SLC1A1: variants seen among roughly 807,000 people sequenced by gnomAD.
SLC1A1 encodes solute carrier family 1 member 1.
SLC1A1 carries 43 observed loss-of-function variants against 53.3 expected under a neutral mutation model. That is an observed-to-expected ratio of 0.81 (90% CI 0.63 to 1.04). The LOEUF is 1.04. Among genes scored for constraint, SLC1A1 ranks in the 50% least tolerant of loss-of-function variants. The pLI is 0.00. For synonymous variants in SLC1A1, 307 were observed against 243.2 expected (o/e 1.26, Z -2.44); for missense variants, 748 against 664.9 (o/e 1.12, Z -1.37).
chr9:4,564,159 A>T (rs1819256523), intron 3 of SLC1A1, among the ~76,000 whole-genome samples, 185 bp from the exon 4 acceptor site: 1 of 152,146 alleles, frequency 6.6e-6, no homozygotes, highest in South Asian at 2.1e-4. Flanking sequence ...TTACTCATTT[A>T]AATGGAAGAG....
intron 2 of SLC1A1, among the ~76,000 whole-genome samples, chr9:4,547,109 G>A (rs1279577473): frequency 6.6e-6 from 1 of 152,206 alleles, no homozygotes; most frequent in Admixed American, 6.5e-5. Context: ...ACTCTTGACA[G>A]TCAATAACAA....
chr9:4,533,320 T>C (rs1340354194), intron 1 of SLC1A1, among the ~76,000 whole-genome samples: 1 of 152,048 alleles, frequency 6.6e-6, no homozygotes, highest in Non-Finnish European at 1.5e-5. Flanking sequence ...AGGAAACCCA[T>C]CTCATGGGCA....
In SLC1A1 at chr9:4,523,471, T is replaced by G. The variant is rs531871029; in HGVS notation, c.92-21096T>G. ...TTGTATTATATATCATAATTTTAAC[T>G]CTGAAGTTTTTAATTTATAGAACAA... is the stretch of plus-strand genomic sequence containing the variant. On this transcript the variant is annotated intron_variant, in intron 1 of 11. Coordinates refer to ENST00000262352, the MANE Select transcript of SLC1A1 (RefSeq NM_004170.6). Among the ~76,000 whole-genome samples, 143 of 152,306 alleles carry G rather than the reference T, an allele frequency of 9.4e-4. 1 individual carries two copies. Among genetic ancestry groups the G allele is most frequent in the Non-Finnish European group, 4.3e-4 (29 of 68,020 alleles).
At chr9:4,535,969 G>T (rs1344623424) in intron 1 of SLC1A1, among the ~76,000 whole-genome samples, 2 of 152,160 alleles carry the variant, frequency 1.3e-5, no homozygotes, top group Admixed American at 6.5e-5. Context: ...AATAAATGGT[G>T]CTGGGAAAAC....
intron 1 of SLC1A1, among the ~76,000 whole-genome samples, chr9:4,529,398 C>T (rs772938722): frequency 3.9e-5 from 6 of 152,140 alleles, no homozygotes; most frequent in Non-Finnish European, 8.8e-5. Context: ...AGTAGTCTTA[C>T]GAATTCATAC....
At chr9:4,555,087 T>C (rs1818251285) in intron 2 of SLC1A1, among the ~76,000 whole-genome samples, 1 of 152,222 alleles carries the variant, frequency 6.6e-6, no homozygotes. Context: ...AATTTATAGA[T>C]GGAGAAGCTG....
intron 1 of SLC1A1, among the ~76,000 whole-genome samples, chr9:4,498,956 ATATAT>A (rs1002840646): frequency 2.5e-4 from 37 of 145,644 alleles, no homozygotes; most frequent in Non-Finnish European, 4.6e-4. Context: ...ATATATACAT[ATATAT>A]TATATATGTA....
intron 2 of SLC1A1, chr9:4,559,678 C>G (rs1392292289): frequency 6.6e-6 from 1 of 152,108 alleles, no homozygotes; most frequent in Non-Finnish European, 1.5e-5. Flanking sequence ...TTCCTGCTAC[C>G]CTGTACCTTA....
Position 4,538,347 on chromosome 9 carries a change from G to T in SLC1A1, c.92-6220G>T, listed in dbSNP as rs573338015. ...GACAGTTAGGTAAGAGACAAAGGTT[G>T]CATTCTTTTGAGTTTCTGATTAGCC... On this transcript the variant is annotated intron_variant, in intron 1 of 11. Coordinates refer to ENST00000262352, the MANE Select transcript of SLC1A1 (RefSeq NM_004170.6). 2.0e-5 allele frequency among the ~76,000 whole-genome samples: 3 copies of T among 152,308 alleles called. No individual in the cohort carries two copies. The South Asian group carries it at 6.2e-4, about 32-fold the overall frequency.
chr9:4,497,393 C>A (rs1278545314), intron 1 of SLC1A1, among the ~76,000 whole-genome samples: 1 of 152,152 alleles, frequency 6.6e-6, no homozygotes, highest in Non-Finnish European at 1.5e-5. Flanking sequence ...GATGTTTCTG[C>A]CTCCCTCACC....
At chr9:4,513,453 A>G (rs893893845) in intron 1 of SLC1A1, among the ~76,000 whole-genome samples, 3 of 152,344 alleles carry the variant, frequency 2.0e-5, no homozygotes, top group Non-Finnish European at 2.9e-5. Context: ...ACATGAAAAA[A>G]TATTCAGCAT....
At chr9:4,572,494 T>C (rs1197710266) in intron 7 of SLC1A1, 106 bp downstream of exon 7, 5 of 1,027,036 alleles carry the variant, frequency 4.9e-6, no homozygotes, top group East Asian at 4.8e-5. Flanking sequence ...GCTAGAGAAG[T>C]TGGACATTTA....
intron 1 of SLC1A1, among the ~76,000 whole-genome samples, chr9:4,504,094 T>C (rs1269833589): frequency 6.6e-6 from 1 of 151,674 alleles, no homozygotes; most frequent in Non-Finnish European, 1.5e-5. Context: ...AGAGCATCTC[T>C]GTACCCTAAG....
At chr9:4,512,137 T>C (rs1304372158) in intron 1 of SLC1A1, among the ~76,000 whole-genome samples, 1 of 152,228 alleles carries the variant, frequency 6.6e-6, no homozygotes, top group Non-Finnish European at 1.5e-5. Context: ...AGTTCTCCCA[T>C]AATTGATGTA....
At chr9:4,557,658 T>C (rs1818545495) in intron 2 of SLC1A1, among the ~76,000 whole-genome samples, 1 of 152,006 alleles carries the variant, frequency 6.6e-6, no homozygotes, top group Non-Finnish European at 1.5e-5. Flanking sequence ...TTAATTAAAA[T>C]GAAAACTCAG....
At chr9:4,550,554 T>C (rs1197790918) in intron 2 of SLC1A1, among the ~76,000 whole-genome samples, 1 of 152,096 alleles carries the variant, frequency 6.6e-6, no homozygotes. Context: ...CCACCATGCC[T>C]GGCTAATTCT....
chr9:4,566,949 C>A (rs975000094), intron 5 of SLC1A1, among the ~76,000 whole-genome samples: 32 of 152,164 alleles, frequency 2.1e-4, no homozygotes, highest in African/African-American at 7.7e-4. Flanking sequence ...CTGTTGCTCT[C>A]TGCCGGCCTC....
At chr9:4,559,172 G>A (rs925835632) in intron 2 of SLC1A1, among the ~76,000 whole-genome samples, 1 of 152,000 alleles carries the variant, frequency 6.6e-6, no homozygotes, top group African/African-American at 2.4e-5. Context: ...ATCTTTCATT[G>A]TCTTACTGGG....
chr9:4,524,434 G>C (rs754167792), intron 1 of SLC1A1, among the ~76,000 whole-genome samples: 2 of 152,150 alleles, frequency 1.3e-5, no homozygotes, highest in East Asian at 3.8e-4. Context: ...AGCAATAAAG[G>C]AAATGCCCTT....
Sources: gnomAD v4.1 joint callset for allele counts (sites outside exome capture counted in the v4.1 genomes callset) on GRCh38, gnomAD v4.1.1 for gene constraint, MANE v1.5 for transcripts, NCBI Gene and HGNC (gene_info 2026-07-23, HGNC 2026-07-21) for gene names.